Variants in APOLD1 observed in about 807,000 individuals in gnomAD.
APOLD1 encodes apolipoprotein L domain-containing protein 1.
Under a neutral mutation model 15.3 loss-of-function variants are expected in APOLD1, and 22 were observed. That is an observed-to-expected ratio of 1.44 (90% confidence interval 1.03 to 2.05). The LOEUF (loss-of-function observed/expected upper bound fraction) is 2.05. APOLD1 is among the 30% of genes most tolerant of loss of function. APOLD1 has a pLI of 0.00. For synonymous variants in APOLD1, 190 were observed against 167.4 expected, an observed-to-expected ratio of 1.13 and a Z score of -1.04; for missense variants, 394 against 353.5, an observed-to-expected ratio of 1.11 and a Z score of -0.92.
chr12:12,753,031 G>T (rs555932068), intron 1 of APOLD1, among the ~76,000 whole-genome samples: 1 of 152,128 alleles, frequency 6.6e-6, no homozygotes, highest in Non-Finnish European at 1.5e-5. Context: ...GTGCACTCAC[G>T]TTGGAACACT....
intron 1 of APOLD1, among the ~76,000 whole-genome samples, chr12:12,731,634 G>A (rs1455234029): frequency 1.3e-5 from 2 of 152,106 alleles, no homozygotes; most frequent in Non-Finnish European, 1.5e-5. Context: ...CACAGTTATC[G>A]GAAAAGAAAA....
chr12:12,768,143 G>T (rs1470650955), intron 1 of APOLD1, among the ~76,000 whole-genome samples: 1 of 151,986 alleles, frequency 6.6e-6, no homozygotes, highest in Non-Finnish European at 1.5e-5. Context: ...TCTGTGGGGA[G>T]TCCTCAAACC....
chr12:12,771,603 G>C, intron 1 of APOLD1: 1 of 510,836 alleles, frequency 2.0e-6, no homozygotes, highest in South Asian at 1.4e-5. Flanking sequence ...ATCGAGGCCT[G>C]TGTCCTGTTC....
chr12:12,742,880 T>A (rs1946738950), intron 1 of APOLD1, among the ~76,000 whole-genome samples: 1 of 152,164 alleles, frequency 6.6e-6, no homozygotes, highest in Admixed American at 6.5e-5. Flanking sequence ...TCCTCTCACG[T>A]CAGCCTTCTG....
chr12:12,784,631 G>A (rs1826445046), upstream of APOLD1, among the ~76,000 whole-genome samples: 1 of 152,176 alleles, frequency 6.6e-6, no homozygotes, highest in Non-Finnish European at 1.5e-5. Context: ...CCAGAGAGTT[G>A]AGATAATCCT....
chr12:12,728,387 C>T (rs1234054882), intron 1 of APOLD1, among the ~76,000 whole-genome samples: 6 of 151,970 alleles, frequency 3.9e-5, no homozygotes, highest in Admixed American at 6.6e-5. Flanking sequence ...GACTGGAGGC[C>T]GGACACATTG....
chr12:12,740,292 T>C (rs1186092577), intron 1 of APOLD1, among the ~76,000 whole-genome samples: 1 of 152,154 alleles, frequency 6.6e-6, no homozygotes, highest in Non-Finnish European at 1.5e-5. Context: ...AATTTTTGTA[T>C]TTTTAGCAGA....
intron 1 of APOLD1, chr12:12,726,261 G>T: frequency 1.4e-6 from 1 of 727,790 alleles, no homozygotes; most frequent in Non-Finnish European, 2.4e-6. Flanking sequence ...CATTTTTATT[G>T]AATTAAATTT....
chr12:12,770,348 T>C (rs1297195477), intron 1 of APOLD1, among the ~76,000 whole-genome samples: 15 of 152,212 alleles, frequency 9.9e-5, no homozygotes, highest in Admixed American at 9.8e-4. Context: ...GAGGTTGCAC[T>C]GAGCCGAAAT....
At chr12:12,730,880 G>A (rs1187912047) in intron 1 of APOLD1, among the ~76,000 whole-genome samples, 6 of 151,742 alleles carry the variant, frequency 4.0e-5, no homozygotes, top group African/African-American at 9.7e-5. Context: ...AGTGGCTCAC[G>A]CCTGTAATCC....
Position 12,787,459 on chromosome 12 carries a change from AG to A in APOLD1, c.559del (p.Asp187ThrfsTer9). On this transcript the variant is annotated frameshift_variant, in exon 2 of 2. Coordinates refer to ENST00000356591, the MANE Select transcript of APOLD1 (RefSeq NM_030817.3). LOFTEE classifies it high-confidence loss of function. This position sits in a 1 kb window ranked among gnomAD's most constrained non-coding sequence, Gnocchi z 4.9. ...SRGFLIPRRA[E>X]GDTKVSQAVL... is the part of the protein sequence containing the mutation. ...GGCTTCCTCATCCCCAGGCGGGCGGAGGGGGACACCAAGGTTAGCCAGGCCG... is the reference window on the plus strand; with the variant it reads ...GGCTTCCTCATCCCCAGGCGGGCGGAGGGGACACCAAGGTTAGCCAGGCCG... 6.2e-7 allele frequency: 1 copy of A among 1,614,068 alleles called. No homozygotes were observed. The highest frequency in any genetic ancestry group is 1.6e-4 in the Middle Eastern group (1 of 6,062).
At chr12:12,774,443 G>A (rs1419121840) in intron 1 of APOLD1, among the ~76,000 whole-genome samples, 1 of 150,626 alleles carries the variant, frequency 6.6e-6, no homozygotes, top group East Asian at 1.9e-4. Flanking sequence ...CTACTCGGGA[G>A]GCTGAGGCAG....
chr12:12,749,036 C>G (rs938501167), intron 1 of APOLD1, among the ~76,000 whole-genome samples: 1 of 152,138 alleles, frequency 6.6e-6, no homozygotes, highest in African/African-American at 2.4e-5. Context: ...CAGGAGATTT[C>G]TACTAACTGG....
chr12:12,761,940 A>G (rs1169442001), intron 1 of APOLD1, among the ~76,000 whole-genome samples: 1 of 151,046 alleles, frequency 6.6e-6, no homozygotes, highest in African/African-American at 2.4e-5. Flanking sequence ...AGTTTAAGCA[A>G]TCCTATTGAC....
chr12:12,727,917 T>C (rs1170178583), intron 1 of APOLD1, among the ~76,000 whole-genome samples: 2 of 151,644 alleles, frequency 1.3e-5, no homozygotes, highest in Non-Finnish European at 2.9e-5. Flanking sequence ...AACCTTTAAA[T>C]AGAATTCTGC....
chr12:12,787,619 C>G lies in APOLD1; in HGVS notation c.714C>G (p.Ile238Met). The G allele has an allele frequency of 6.2e-7, 1 of 1,606,914 alleles. No individual in the cohort carries two copies. Among genetic ancestry groups the G allele is most frequent in the Non-Finnish European group, 8.5e-7 (1 of 1,178,668 alleles). The change falls in exon 2 of 2, where the codon ATC becomes ATG. Residue 238 changes from isoleucine to methionine, a missense_variant. By Grantham distance (10) the Ile-to-Met change is conservative. Coordinates refer to ENST00000356591, the MANE Select transcript of APOLD1 (RefSeq NM_030817.3). The surrounding 1 kb of genome is among the most constrained non-coding windows in gnomAD (Gnocchi z 4.9). ...CCAGTCGTGGCCACGACCTCAAGAT[C>G]TCTGCTGACCAGCGTGCAGGGCTGT... ...TKSSRGHDLK[I>M]SADQRAGLFF
intron 1 of APOLD1, among the ~76,000 whole-genome samples, chr12:12,745,809 A>G (rs1946761149): frequency 6.6e-6 from 1 of 152,112 alleles, no homozygotes; most frequent in African/African-American, 2.4e-5. Flanking sequence ...AAAGGCAAGG[A>G]AAATGCCAAG....
intron 1 of APOLD1, among the ~76,000 whole-genome samples, chr12:12,733,579 G>GA (rs1228219467): frequency 1.3e-5 from 2 of 152,002 alleles, no homozygotes; most frequent in East Asian, 3.8e-4. Flanking sequence ...TTTTAACAAG[G>GA]AAAAAACCAT....
At chr12:12,735,549 G>A (rs538124107) in intron 1 of APOLD1, among the ~76,000 whole-genome samples, 1 of 152,250 alleles carries the variant, frequency 6.6e-6, no homozygotes, top group East Asian at 1.9e-4. Flanking sequence ...GAAGGAATGA[G>A]TGCTGTGGCT....
Sources: gnomAD v4.1 joint callset for allele counts (sites outside exome capture counted in the v4.1 genomes callset) on GRCh38, gnomAD v4.1.1 for gene constraint, Gnocchi (gnomAD v3.1) non-coding constraint, MANE v1.5 for transcripts, NCBI Gene and HGNC (gene_info 2026-07-23, HGNC 2026-07-21) for gene names.